CLEC16A: variants seen among roughly 807,000 people sequenced by gnomAD.
CLEC16A encodes C-type lectin domain containing 16A.
CLEC16A carries 51 observed loss-of-function variants against 109.5 expected under a neutral mutation model. The ratio of observed to expected loss-of-function variants is 0.47; its 90% CI spans 0.37 to 0.59. The LOEUF is 0.59. CLEC16A is among the 20% of genes least tolerant of loss of function. The pLI is 0.00. For synonymous variants in CLEC16A, 673 were observed against 564.2 expected, an observed-to-expected ratio of 1.19 and a Z score of -2.73; for missense variants, 1,339 against 1,394.0, an observed-to-expected ratio of 0.96 and a Z score of 0.63.
intron 19 of CLEC16A, among the ~76,000 whole-genome samples, chr16:11,072,303 G>C (rs1175110716): frequency 6.6e-6 from 1 of 151,370 alleles, no homozygotes; most frequent in Non-Finnish European, 1.5e-5. Context: ...ATTTTTTGTG[G>C]AGATGGGGTC....
intron 1 of CLEC16A, among the ~76,000 whole-genome samples, chr16:10,956,887 C>G (rs1297757355): frequency 1.3e-5 from 2 of 150,650 alleles, no homozygotes; most frequent in African/African-American, 4.9e-5. Flanking sequence ...ACCTCCACCT[C>G]CCAGGTTCAA....
At chr16:10,971,620 A>G in intron 5 of CLEC16A, 8 of 680,386 alleles carry the variant, frequency 1.2e-5, no homozygotes, top group Non-Finnish European at 1.5e-5. Flanking sequence ...TTTAAGTAAT[A>G]TATAAAAGCA....
intron 3 of CLEC16A, among the ~76,000 whole-genome samples, chr16:10,964,521 C>T (rs972141770): frequency 2.0e-5 from 3 of 152,174 alleles, no homozygotes; most frequent in Non-Finnish European, 2.9e-5. Flanking sequence ...AGTGGCTGGG[C>T]GTGAGCGTGA....
chr16:11,175,433 C>T (rs2068707594), intron 23 of CLEC16A, among the ~76,000 whole-genome samples: 1 of 152,222 alleles, frequency 6.6e-6, no homozygotes, highest in African/African-American at 2.4e-5. Flanking sequence ...TCAAAAACAC[C>T]AGCAGGCATG....
intron 1 of CLEC16A, among the ~76,000 whole-genome samples, chr16:10,945,411 T>C (rs974006101): frequency 6.6e-6 from 1 of 152,146 alleles, no homozygotes; most frequent in African/African-American, 2.4e-5. Context: ...ACCCAGGATT[T>C]TGGGGCGATT....
intron 19 of CLEC16A, among the ~76,000 whole-genome samples, chr16:11,076,261 A>G (rs1226110291): frequency 6.6e-6 from 1 of 152,052 alleles, no homozygotes; most frequent in Non-Finnish European, 1.5e-5. Flanking sequence ...AGTCATACGG[A>G]GCTCAAGAGA....
At chr16:10,949,384 G>C (rs762374893) in intron 1 of CLEC16A, among the ~76,000 whole-genome samples, 1 of 152,136 alleles carries the variant, frequency 6.6e-6, no homozygotes, top group African/African-American at 2.4e-5. Flanking sequence ...TCCTTGTTAG[G>C]CAGACGCTGT....
At chr16:11,036,234 C>G (rs1007135872) in intron 13 of CLEC16A, 1 of 152,700 alleles carries the variant, frequency 6.5e-6, no homozygotes, top group Non-Finnish European at 1.5e-5. Context: ...CTGCATCACC[C>G]TCCAGGATCC....
chr16:11,044,387 A>T (rs1234665243), intron 16 of CLEC16A, among the ~76,000 whole-genome samples: 1 of 152,202 alleles, frequency 6.6e-6, no homozygotes, highest in Non-Finnish European at 1.5e-5. Context: ...AACACATATA[A>T]ATAAATTATA....
rs745648656 is a variant in CLEC16A at position 11,039,494 on chromosome 16, G to A, written c.1538-260G>A. On this transcript the variant is annotated intron_variant, in intron 13 of 23. Transcript: ENST00000409790. Reference sequence around the variant, plus strand: ...CAGCAGTTGCCAAGAGGGGACAGGCGCAGTGGCTCACAACAGTAATCCCAG... The same window carrying A: ...CAGCAGTTGCCAAGAGGGGACAGGCACAGTGGCTCACAACAGTAATCCCAG... Among the ~76,000 whole-genome samples, 10 of 152,272 alleles carry A rather than the reference G, an allele frequency of 6.6e-5. No individual in the cohort carries two copies. In the East Asian group the frequency reaches 1.2e-3, roughly 18 times the overall value.
At chr16:11,051,993 G>A (rs1179079609) in intron 18 of CLEC16A, among the ~76,000 whole-genome samples, 2 of 152,222 alleles carry the variant, frequency 1.3e-5, no homozygotes, top group African/African-American at 4.8e-5. Flanking sequence ...GGTGAGGTTG[G>A]TGTGAAATCG....
Position 11,120,845 on chromosome 16 carries a change from A to G in CLEC16A, c.2268+79A>G, listed in dbSNP as rs957377545. On this transcript the variant is annotated intron_variant, in intron 20 of 23. Coordinates refer to ENST00000409790, the MANE Select transcript of CLEC16A (RefSeq NM_015226.3). ...ACACACACACACACACACACCACAC[A>G]CAATTGTCATCTTTATCATTAATTT... 4 of 1,145,974 alleles carry G rather than the reference A, an allele frequency of 3.5e-6. No homozygotes were observed. In the African/African-American group the frequency reaches 6.3e-5, roughly 18 times the overall value. The allele number at this position is 1,145,974 out of a possible 1,614,324, so 71.0% of individuals were successfully genotyped here. A position where few individuals can be genotyped will look rare whatever the true frequency, so the allele number is the denominator to read the frequency against.
chr16:11,038,330 C>T (rs1319813498), intron 13 of CLEC16A, among the ~76,000 whole-genome samples: 1 of 152,192 alleles, frequency 6.6e-6, no homozygotes, highest in Non-Finnish European at 1.5e-5. Context: ...CCACCTTTCC[C>T]CCTTTTGTAG....
intron 19 of CLEC16A, among the ~76,000 whole-genome samples, chr16:11,083,934 G>A (rs2152951604): frequency 6.6e-6 from 1 of 152,298 alleles, no homozygotes; most frequent in East Asian, 1.9e-4. Context: ...ACCTTGTCCA[G>A]GAGGTTGGGA....
chr16:10,967,722 G>C (rs533717781), intron 3 of CLEC16A, among the ~76,000 whole-genome samples: 19 of 152,336 alleles, frequency 1.2e-4, no homozygotes, highest in African/African-American at 4.1e-4. Context: ...ACTTCATGAG[G>C]AAGTTTTGGC....
intron 22 of CLEC16A, among the ~76,000 whole-genome samples, chr16:11,142,123 C>T (rs954882057): frequency 2.0e-5 from 3 of 152,136 alleles, no homozygotes; most frequent in Non-Finnish European, 4.4e-5. Context: ...TCCCTACTTA[C>T]CGGGGGAGGA....
chr16:11,096,001 A>G (rs536866065), intron 19 of CLEC16A, among the ~76,000 whole-genome samples: 2 of 152,092 alleles, frequency 1.3e-5, no homozygotes, highest in South Asian at 4.2e-4. Context: ...TTACCTTTTA[A>G]TTACACAAAT....
intron 13 of CLEC16A, among the ~76,000 whole-genome samples, chr16:11,031,677 C>A (rs766287808): frequency 1.3e-5 from 2 of 152,194 alleles, no homozygotes; most frequent in Non-Finnish European, 2.9e-5. Context: ...CAAACAAATG[C>A]TTTCATGGAA....
intron 13 of CLEC16A, among the ~76,000 whole-genome samples, chr16:11,039,410 A>G (rs1370426889): frequency 6.6e-6 from 1 of 152,196 alleles, no homozygotes; most frequent in African/African-American, 2.4e-5. Flanking sequence ...ACATTTATGT[A>G]AGTTCAGTTT....
Sources: allele counts gnomAD v4.1 joint callset (sites outside exome capture counted in the v4.1 genomes callset), GRCh38; gene constraint gnomAD v4.1.1; transcripts MANE v1.5; gene names NCBI Gene and HGNC (gene_info 2026-07-23, HGNC 2026-07-21).